Variants in ZBTB20 observed in about 807,000 individuals in gnomAD.
ZBTB20 encodes the protein zinc finger and BTB domain-containing protein 20.
A neutral mutation model predicts 56.9 loss-of-function variants in ZBTB20; 9 were observed. That is an observed-to-expected ratio of 0.16 (90% CI 0.10 to 0.28). The LOEUF (loss-of-function observed/expected upper bound fraction) is 0.28. Among genes scored for constraint, ZBTB20 ranks in the 10% least tolerant of loss-of-function variants. ZBTB20 has a pLI of 1.00. For missense variants in ZBTB20, 655 were observed against 1,003.0 expected (o/e 0.65, Z 4.69); for synonymous variants, 417 against 420.7 (o/e 0.99, Z 0.11).
intron 2 of ZBTB20, among the ~76,000 whole-genome samples, chr3:115,051,435 G>A (rs73859708): frequency 0.043 from 6,550 of 152,154 alleles, 476 homozygotes; most frequent in African/African-American, 0.15. Flanking sequence ...TAGATGGGTA[G>A]GAGTTTAGAG....
chr3:114,578,357 A>T (rs2054304944), intron 6 of ZBTB20, among the ~76,000 whole-genome samples: 1 of 152,042 alleles, frequency 6.6e-6, no homozygotes, highest in Admixed American at 6.6e-5. Flanking sequence ...TGTTTATCTT[A>T]TAAGAATTCC....
chr3:114,544,744 A>G (rs1054019112), intron 6 of ZBTB20, among the ~76,000 whole-genome samples: 1 of 152,000 alleles, frequency 6.6e-6, no homozygotes, highest in Non-Finnish European at 1.5e-5. Context: ...AGCTCAAGCA[A>G]TCCACATGCC....
At chr3:114,491,192 A>G (rs1411250251) in intron 7 of ZBTB20, among the ~76,000 whole-genome samples, 1 of 152,222 alleles carries the variant, frequency 6.6e-6, no homozygotes, top group East Asian at 1.9e-4. Flanking sequence ...TCCTAATGCC[A>G]CAAATGCTAG....
chr3:115,124,733 G>A (rs960453198), intron 1 of ZBTB20, among the ~76,000 whole-genome samples: 1 of 152,060 alleles, frequency 6.6e-6, no homozygotes, highest in Non-Finnish European at 1.5e-5. Flanking sequence ...GCAAATCACT[G>A]AGGAAACACA....
At chr3:114,573,525 G>A (rs1483627574) in intron 6 of ZBTB20, among the ~76,000 whole-genome samples, 1 of 136,372 alleles carries the variant, frequency 7.3e-6, no homozygotes, top group African/African-American at 2.7e-5. Flanking sequence ...AAGAAACAGA[G>A]AGAGAGAAAG....
intron 2 of ZBTB20, among the ~76,000 whole-genome samples, chr3:115,034,271 G>A (rs565652745): frequency 3.2e-4 from 49 of 151,468 alleles, no homozygotes; most frequent in Admixed American, 3.9e-4. Flanking sequence ...ACCCAAATCA[G>A]AAAGAAATAA....
chr3:114,941,609 T>C lies in ZBTB20; in HGVS notation c.-456+32757A>G, dbSNP rs139942825. Among the ~76,000 whole-genome samples the C allele has an allele frequency of 1.0e-4, 15 of 146,460 alleles. 3 individuals are homozygous for C. Among genetic ancestry groups the C allele is most frequent in the African/African-American group, 3.9e-4 (14 of 36,284 alleles). The stretch of plus-strand genomic sequence containing the variant: ...TAAGTCAAAAGATATCTAAAGACTC[T>C]ATAGCTTCTGGAATAATAAATTGGT... On this transcript the variant is annotated intron_variant, in intron 3 of 11. Coordinates refer to ENST00000675478, the MANE Select transcript of ZBTB20 (RefSeq NM_001348800.3).
intron 3 of ZBTB20, among the ~76,000 whole-genome samples, chr3:114,963,864 TTGG>T (rs1489727110): frequency 5.3e-5 from 8 of 152,158 alleles, no homozygotes; most frequent in African/African-American, 1.9e-4. Flanking sequence ...AACAAACACC[TTGG>T]CCTCAAGGAA....
intron 2 of ZBTB20, among the ~76,000 whole-genome samples, chr3:115,022,489 C>T (rs768846979): frequency 5.3e-5 from 8 of 150,950 alleles, no homozygotes; most frequent in African/African-American, 9.7e-5. Flanking sequence ...CTTTAATTTT[C>T]GTTGCTTTTT....
intron 2 of ZBTB20, among the ~76,000 whole-genome samples, chr3:115,053,581 T>A (rs1009094191): frequency 6.6e-6 from 1 of 152,112 alleles, no homozygotes; most frequent in Non-Finnish European, 1.5e-5. Flanking sequence ...AATGAATGCA[T>A]ATGGTTAAAT....
intron 4 of ZBTB20, among the ~76,000 whole-genome samples, chr3:114,871,521 C>T (rs2076010932): frequency 6.6e-6 from 1 of 152,138 alleles, no homozygotes; most frequent in Admixed American, 6.6e-5. Flanking sequence ...TAAAATGTAT[C>T]TTTCTCCTTA....
chr3:114,387,752 A>C (rs1018864990), intron 8 of ZBTB20: 4 of 152,234 alleles, frequency 2.6e-5, no homozygotes, highest in African/African-American at 9.6e-5. Flanking sequence ...ACTTGAACTT[A>C]AGGATGAATG....
At chr3:114,996,292 T>TG (rs1260814173) in intron 2 of ZBTB20, among the ~76,000 whole-genome samples, 1 of 151,898 alleles carries the variant, frequency 6.6e-6, no homozygotes, top group Non-Finnish European at 1.5e-5. Context: ...TATGCCATGG[T>TG]GGCTTGCTGC....
chr3:114,975,614 A>G (rs2078066837), intron 2 of ZBTB20, among the ~76,000 whole-genome samples: 1 of 152,176 alleles, frequency 6.6e-6, no homozygotes, highest in South Asian at 2.1e-4. Flanking sequence ...GTGCATCAGC[A>G]TTATTACAGT....
chr3:114,732,342 G>C (rs922958705), intron 5 of ZBTB20, among the ~76,000 whole-genome samples: 3 of 151,524 alleles, frequency 2.0e-5, no homozygotes, highest in Non-Finnish European at 4.4e-5. Flanking sequence ...TTTTTTTCCT[G>C]TTATCTTCCA....
chr3:115,016,927 T>C (rs1341267918), intron 2 of ZBTB20, among the ~76,000 whole-genome samples: 1 of 151,600 alleles, frequency 6.6e-6, no homozygotes, highest in Admixed American at 6.6e-5. Flanking sequence ...GCCAATATCA[T>C]ACAGAATGGA....
intron 2 of ZBTB20, among the ~76,000 whole-genome samples, chr3:114,988,787 G>A (rs1333929380): frequency 1.3e-5 from 2 of 152,026 alleles, no homozygotes; most frequent in East Asian, 1.9e-4. Flanking sequence ...TTTAATGATC[G>A]CCATTCTAAC....
intron 6 of ZBTB20, among the ~76,000 whole-genome samples, chr3:114,524,308 A>T (rs1301203452): frequency 1.3e-5 from 2 of 152,190 alleles, no homozygotes; most frequent in Non-Finnish European, 2.9e-5. Context: ...AATTATTAGT[A>T]ATTAAAACAT....
intron 6 of ZBTB20, among the ~76,000 whole-genome samples, chr3:114,680,966 T>C (rs1172904406): frequency 6.6e-6 from 1 of 152,140 alleles, no homozygotes; most frequent in African/African-American, 2.4e-5. Flanking sequence ...TGCCCAGAGA[T>C]ACTAATTGTT....
Sources: gnomAD v4.1 joint callset for allele counts (sites outside exome capture counted in the v4.1 genomes callset) on GRCh38, gnomAD v4.1.1 for gene constraint, MANE v1.5 for transcripts, NCBI Gene and HGNC (gene_info 2026-07-23, HGNC 2026-07-21) for gene names.